The following TBCK variants were observed in gnomAD, a reference collection of about 807,000 sequenced individuals.
The protein encoded by TBCK is TBC domain-containing protein kinase-like protein.
In TBCK, 99 loss-of-function variants were observed where a neutral mutation model predicts 113.4. The ratio of observed to expected loss-of-function variants is 0.87; its 90% CI spans 0.74 to 1.03. TBCK has a LOEUF of 1.03. TBCK is among the 50% of genes least tolerant of loss of function. TBCK has a pLI of 0.00. For missense variants in TBCK, 1,045 were observed against 1,061.3 expected (o/e 0.98, Z 0.21); for synonymous variants, 369 against 370.8 (o/e 1.00, Z 0.05).
intron 3 of TBCK, among the ~76,000 whole-genome samples, chr4:106,284,878 T>C (rs1764964244): frequency 6.6e-6 from 1 of 152,124 alleles, no homozygotes; most frequent in Non-Finnish European, 1.5e-5. Flanking sequence ...GATCTAAATT[T>C]CTCCACTTCT....
At chr4:106,063,497 T>C (rs1263694720) in intron 25 of TBCK, among the ~76,000 whole-genome samples, 1 of 151,928 alleles carries the variant, frequency 6.6e-6, no homozygotes, top group Non-Finnish European at 1.5e-5. Flanking sequence ...TTACAGTGTC[T>C]TATGAAGTTA....
chr4:106,189,174 A>C (rs1409844316), intron 22 of TBCK, among the ~76,000 whole-genome samples: 1 of 151,918 alleles, frequency 6.6e-6, no homozygotes, highest in African/African-American at 2.4e-5. Flanking sequence ...TTTATATGTA[A>C]TTTTTACAGA....
intron 2 of TBCK, among the ~76,000 whole-genome samples, 155 bp downstream of exon 2, chr4:106,308,613 C>A (rs569776972): frequency 1.3e-5 from 2 of 151,674 alleles, no homozygotes; most frequent in Non-Finnish European, 2.9e-5. Context: ...GGGAAGTGTA[C>A]GAGAGAGAGG....
At chr4:106,292,851 C>G (rs1378323658) in intron 3 of TBCK, among the ~76,000 whole-genome samples, 2 of 152,308 alleles carry the variant, frequency 1.3e-5, no homozygotes, top group East Asian at 3.9e-4. Context: ...TCTGTCACTT[C>G]AGGAGAGAAC....
intron 22 of TBCK, among the ~76,000 whole-genome samples, chr4:106,189,705 T>A (rs1753450066): frequency 6.6e-6 from 1 of 152,206 alleles, no homozygotes; most frequent in South Asian, 2.1e-4. Context: ...TTTTGGTACC[T>A]GATGTTATTT....
At chr4:106,291,689 T>G (rs577002169) in intron 3 of TBCK, among the ~76,000 whole-genome samples, 2 of 152,356 alleles carry the variant, frequency 1.3e-5, no homozygotes, top group African/African-American at 4.8e-5. Context: ...ACTAACTACA[T>G]AGCTAAAGCT....
rs1760539843 is a variant in TBCK, at chr4:106,244,527, T to TA, written c.1070+98_1070+99insT. ...CAAAAAAATTTTAAAAACAACCAAT[T>TA]TAAAAAAAAAAAACACCGATTTTCT... On this transcript the variant is annotated intron_variant, in intron 11 of 25. Transcript: ENST00000394708. The TA allele has an allele frequency of 1.4e-4, 146 of 1,052,120 alleles. No homozygotes were observed. The African/African-American group carries it at 2.7e-3, about 19-fold the overall frequency. 65.2% of individuals were successfully genotyped at this position (1,052,120 alleles called of 1,614,324 possible).
intron 20 of TBCK, among the ~76,000 whole-genome samples, chr4:106,199,594 A>G (rs1348945331): frequency 6.6e-6 from 1 of 152,164 alleles, no homozygotes; most frequent in African/African-American, 2.4e-5. Context: ...CACATATCCT[A>G]AAACGAGCTT....
intron 14 of TBCK, 135 bp downstream of exon 14, chr4:106,236,255 A>C: frequency 5.0e-6 from 3 of 595,982 alleles, no homozygotes; most frequent in Non-Finnish European, 7.3e-6. Flanking sequence ...TTTAAAATGA[A>C]AGAAAGCTAA....
intron 22 of TBCK, among the ~76,000 whole-genome samples, chr4:106,183,791 CAT>C (rs1344001688): frequency 6.6e-6 from 1 of 151,956 alleles, no homozygotes; most frequent in Admixed American, 6.6e-5. Context: ...TTGTTCCAAA[CAT>C]AGTATTTTTC....
intron 22 of TBCK, among the ~76,000 whole-genome samples, chr4:106,173,648 G>A (rs1156272050): frequency 6.6e-6 from 1 of 152,064 alleles, no homozygotes; most frequent in Non-Finnish European, 1.5e-5. Context: ...TCTTGATGAT[G>A]TACTGGCATC....
chr4:106,245,018 G>C (rs1054567001), intron 10 of TBCK, among the ~76,000 whole-genome samples: 1 of 152,108 alleles, frequency 6.6e-6, no homozygotes, highest in African/African-American at 2.4e-5. Flanking sequence ...CTGTCCCCAG[G>C]ACTGGAGACA....
chr4:106,129,796 T>C (rs1044266258), intron 23 of TBCK, among the ~76,000 whole-genome samples: 3 of 152,242 alleles, frequency 2.0e-5, no homozygotes, highest in African/African-American at 7.2e-5. Flanking sequence ...CACTCTCCAC[T>C]GGTCTCCACC....
chr4:106,246,167 A>C (rs111914085), intron 10 of TBCK, among the ~76,000 whole-genome samples: 59 of 150,528 alleles, frequency 3.9e-4, no homozygotes, highest in Non-Finnish European at 7.8e-4. Flanking sequence ...CTATGCTGCC[A>C]TTGTGCTATA....
At chr4:106,306,391 T>G (rs1037355453) in intron 2 of TBCK, among the ~76,000 whole-genome samples, 5 of 152,062 alleles carry the variant, frequency 3.3e-5, no homozygotes, top group African/African-American at 1.2e-4. Flanking sequence ...GGCCTTGATA[T>G]TCTTCAACGC....
chr4:106,092,721 C>CT (rs1227213420), intron 25 of TBCK, among the ~76,000 whole-genome samples: 1 of 152,244 alleles, frequency 6.6e-6, no homozygotes, highest in East Asian at 1.9e-4. Context: ...ACCTGGAACT[C>CT]TAACTGGCCT....
intron 3 of TBCK, among the ~76,000 whole-genome samples, chr4:106,277,283 T>C (rs971676784): frequency 1.3e-5 from 2 of 152,182 alleles, no homozygotes; most frequent in African/African-American, 4.8e-5. Flanking sequence ...ATGGTGTTTC[T>C]ATAAAATATT....
intron 2 of TBCK, among the ~76,000 whole-genome samples, chr4:106,302,741 C>G (rs1260997228): frequency 6.6e-6 from 1 of 152,144 alleles, no homozygotes; most frequent in Non-Finnish European, 1.5e-5. Context: ...GATAAACTTA[C>G]AACTGGAAAT....
chr4:106,264,662 C>T (rs1762817518), intron 3 of TBCK, among the ~76,000 whole-genome samples: 1 of 151,910 alleles, frequency 6.6e-6, no homozygotes, highest in African/African-American at 2.4e-5. Flanking sequence ...TAAACCCTAG[C>T]TGTCAAGAGA....
Sources: allele counts gnomAD v4.1 joint callset (sites outside exome capture counted in the v4.1 genomes callset), GRCh38; gene constraint gnomAD v4.1.1; transcripts MANE v1.5; gene names NCBI Gene and HGNC (gene_info 2026-07-23, HGNC 2026-07-21).